TMEM181: variants seen among roughly 807,000 people sequenced by gnomAD.
TMEM181 encodes the protein G protein-coupled receptor 178.
In TMEM181, 39 loss-of-function variants were observed where a neutral mutation model predicts 71.9. That is an observed-to-expected ratio of 0.54 (90% CI 0.42 to 0.71). TMEM181 has a LOEUF of 0.71. Ranked by LOEUF, TMEM181 falls within the 30% of genes least tolerant of loss-of-function variation. The pLI, the probability that TMEM181 is intolerant of heterozygous loss-of-function variation, is 0.00. For synonymous variants in TMEM181, 245 were observed against 228.8 expected (o/e 1.07, Z -0.64); for missense variants, 595 against 583.0 (o/e 1.02, Z -0.21).
rs760819959 is a variant in TMEM181, at chr6:158,585,392, T to A, written c.348T>A (p.Val116=). 1.2e-6 allele frequency: 2 copies of A among 1,611,856 alleles called. No individual in the cohort carries two copies. Residue 116 remains valine, a synonymous_variant, in exon 5 of 17, where the codon GTT becomes GTA. Transcript: ENST00000684151. The part of the protein sequence containing the change: ...DGTTMYIHNK[V]HNRTRTLTCA... ...CCACGATGTACATTCATAACAAAGT[T>A]CACAACCGGACAAGGACCCTCACAT...
At position 158,629,839 on chromosome 6, in the gene TMEM181, G is replaced by C; in HGVS notation, c.1282+20G>C. 1 of 1,603,724 alleles carries C rather than the reference G, an allele frequency of 6.2e-7. No individual in the cohort carries two copies. Among genetic ancestry groups the C allele is most frequent in the African/African-American group, 1.3e-5 (1 of 74,804 alleles). On this transcript the variant is annotated intron_variant, in intron 15 of 16. Transcript: ENST00000684151. Reference sequence around the variant, plus strand: ...TCTATGGTAAGCCACCCTGGGGTCTGGACTGCTGGCCAGTTAGCGGGCACA... The same window carrying C: ...TCTATGGTAAGCCACCCTGGGGTCTCGACTGCTGGCCAGTTAGCGGGCACA...
intron 13 of TMEM181, among the ~76,000 whole-genome samples, chr6:158,627,255 C>T (rs1305844265): frequency 6.6e-6 from 1 of 152,212 alleles, no homozygotes; most frequent in Non-Finnish European, 1.5e-5. Flanking sequence ...GAGCTACTGT[C>T]TACTTCTGGT....
chr6:158,567,233 C>G (rs1021895149), intron 1 of TMEM181, among the ~76,000 whole-genome samples: 1 of 152,052 alleles, frequency 6.6e-6, no homozygotes, highest in African/African-American at 2.4e-5. Context: ...CAGGGGTTTT[C>G]TAGGAAGTCT....
intron 5 of TMEM181, among the ~76,000 whole-genome samples, chr6:158,589,108 G>A (rs1478759002): frequency 1.3e-5 from 2 of 152,232 alleles, no homozygotes; most frequent in Non-Finnish European, 2.9e-5. Context: ...TGGAGCACAC[G>A]TATCCTCACA....
chr6:158,568,417 G>C (rs1488759376), intron 1 of TMEM181, among the ~76,000 whole-genome samples: 2 of 152,014 alleles, frequency 1.3e-5, no homozygotes, highest in African/African-American at 4.8e-5. Flanking sequence ...AGCTGGTGTT[G>C]GAGGACTGGT....
intron 10 of TMEM181, chr6:158,610,292 G>C (rs1012658355): frequency 1.4e-5 from 4 of 288,824 alleles, no homozygotes; most frequent in Non-Finnish European, 2.8e-5. Context: ...GGAAAATGAG[G>C]GTGACAGCCA....
At chr6:158,591,185 G>T (rs1254796627) in intron 6 of TMEM181, among the ~76,000 whole-genome samples, 7 of 152,104 alleles carry the variant, frequency 4.6e-5, no homozygotes. Flanking sequence ...CTACCCTATA[G>T]CCCTTTGCAG....
chr6:158,609,423 G>A (rs1417849884), intron 10 of TMEM181, among the ~76,000 whole-genome samples: 1 of 152,068 alleles, frequency 6.6e-6, no homozygotes, highest in Non-Finnish European at 1.5e-5. Flanking sequence ...GTACCCTCAT[G>A]TCACACTCCT....
chr6:158,631,854 G>T lies in TMEM181; in HGVS notation c.1394G>T (p.Arg465Leu), dbSNP rs190592782. ...CCGCTGCAGAACGGCCAGGCCATCC[G>T]GGCCAAGTACAAGGAGGAGTCAGAT... Reference protein sequence around the residue: ...EMPLQNGQAIRAKYKEESDSD With the variant: ...EMPLQNGQAILAKYKEESDSD Residue 465 changes from arginine (R) to leucine (L), a missense_variant, in exon 17 of 17, where the codon CGG becomes CTG. Transcript: ENST00000684151. 4 of 1,599,246 alleles carry T rather than the reference G, an allele frequency of 2.5e-6. No individual in the cohort carries two copies. Among genetic ancestry groups the T allele is most frequent in the Non-Finnish European group, 3.4e-6 (4 of 1,172,598 alleles).
chr6:158,600,317 C>T (rs149155744), intron 6 of TMEM181, among the ~76,000 whole-genome samples: 511 of 152,116 alleles, frequency 3.4e-3, no homozygotes, highest in African/African-American at 0.011. Context: ...TGCGCCACCA[C>T]GTCTCTGTTT....
chr6:158,586,361 C>T (rs1783774511), intron 5 of TMEM181, among the ~76,000 whole-genome samples: 1 of 152,182 alleles, frequency 6.6e-6, no homozygotes, highest in Non-Finnish European at 1.5e-5. Flanking sequence ...TGTCAGAAGC[C>T]AGATGGCAAG....
chr6:158,566,066 T>C (rs1428252168), intron 1 of TMEM181, among the ~76,000 whole-genome samples: 1 of 152,188 alleles, frequency 6.6e-6, no homozygotes, highest in Non-Finnish European at 1.5e-5. Flanking sequence ...TTTAGTAGAA[T>C]ATCTGAGGTG....
intron 1 of TMEM181, among the ~76,000 whole-genome samples, chr6:158,570,257 G>C (rs1457789655): frequency 5.3e-5 from 8 of 150,170 alleles, no homozygotes; most frequent in Admixed American, 4.6e-4. Flanking sequence ...TTTTGAGATG[G>C]AGTCTTGCTC....
At chr6:158,590,328 T>C (rs1032488985) in intron 6 of TMEM181, among the ~76,000 whole-genome samples, 18 of 152,026 alleles carry the variant, frequency 1.2e-4, no homozygotes, top group African/African-American at 4.3e-4. Context: ...GTAAAATAGC[T>C]GCCTCATAGA....
At chr6:158,558,505 A>C (rs954711103), upstream of TMEM181, among the ~76,000 whole-genome samples, 3 of 152,204 alleles carry the variant, frequency 2.0e-5, no homozygotes, top group Non-Finnish European at 4.4e-5. Flanking sequence ...ACATTTATGG[A>C]CAGAAAGTGG....
chr6:158,599,177 T>C (rs1373406069), intron 6 of TMEM181, among the ~76,000 whole-genome samples: 1 of 152,232 alleles, frequency 6.6e-6, no homozygotes, highest in African/African-American at 2.4e-5. Flanking sequence ...ACTGGTCATA[T>C]TTTTGTTAAA....
At chr6:158,543,290 A>G (rs1271272051) in intron 1 of TMEM181, among the ~76,000 whole-genome samples, 1 of 152,204 alleles carries the variant, frequency 6.6e-6, no homozygotes, top group Non-Finnish European at 1.5e-5. Flanking sequence ...CCTGGTCATC[A>G]TCCGGCTGGA....
At chr6:158,609,662 G>C (rs1304603820) in intron 10 of TMEM181, 3 of 221,034 alleles carry the variant, frequency 1.4e-5, no homozygotes, top group Non-Finnish European at 2.9e-5. Context: ...CAGGTTGCTA[G>C]TTGCCCTTTT....
rs1172057689 is a variant in TMEM181 at position 158,632,963 on chromosome 6, G to C, written c.*1075G>C. On this transcript the variant is annotated 3_prime_UTR_variant, in exon 17 of 17. Transcript: ENST00000684151. Reference sequence around the variant, plus strand: ...GCATGCCCATAGTCCCAGCTACTCAGGAGGCTGAGGTGGGAGGATTGCTTG... The same window carrying C: ...GCATGCCCATAGTCCCAGCTACTCACGAGGCTGAGGTGGGAGGATTGCTTG... The C allele has an allele frequency of 6.6e-6, 1 of 152,318 alleles. No individual in the cohort carries two copies. The highest frequency in any genetic ancestry group is 1.9e-4 in the East Asian group (1 of 5,196). The allele number at this position is 152,318 out of a possible 1,614,324, so 9.4% of individuals were successfully genotyped here.
Sources: allele counts gnomAD v4.1 joint callset (sites outside exome capture counted in the v4.1 genomes callset), GRCh38; gene constraint gnomAD v4.1.1; transcripts MANE v1.5; gene names NCBI Gene and HGNC (gene_info 2026-07-23, HGNC 2026-07-21).